TRPC1: variants seen among roughly 807,000 people sequenced by gnomAD.
TRPC1 encodes transient receptor potential cation channel subfamily C member 1.
Under a neutral mutation model 88.2 loss-of-function variants are expected in TRPC1, and 42 were observed. The ratio of observed to expected loss-of-function variants is 0.48; its 90% CI spans 0.37 to 0.62. The LOEUF (loss-of-function observed/expected upper bound fraction) is 0.62, where lower values mean the gene tolerates loss of function less well. TRPC1 is among the 20% of genes least tolerant of loss of function. The pLI, the probability that TRPC1 is intolerant of heterozygous loss-of-function variation, is 0.00. For synonymous variants in TRPC1, 288 were observed against 331.8 expected (o/e 0.87, Z 1.43); for missense variants, 699 against 957.3 (o/e 0.73, Z 3.56).
chr3:142,804,466 C>T lies in TRPC1; in HGVS notation c.1990C>T (p.Arg664Ter), dbSNP rs1248342604. ...NHEDKEWKFA[R>*]AKLWLSYFDD... The stretch of plus-strand genomic sequence containing the variant: ...TGAAGACAAAGAATGGAAGTTTGCT[C>T]GAGCAAAATTATGGCTTAGCTACTT... Residue 664 changes from arginine (R) to a stop codon, truncating the protein, a stop_gained, in exon 12 of 13, where the codon CGA becomes TGA. Transcript: ENST00000476941. LOFTEE classifies it high-confidence loss of function. 5 of 1,610,758 alleles carry T rather than the reference C, an allele frequency of 3.1e-6. No individual in the cohort carries two copies. Among genetic ancestry groups the T allele is most frequent in the Non-Finnish European group, 4.2e-6 (5 of 1,178,986 alleles).
chr3:142,784,023 C>T (rs74740345), intron 6 of TRPC1, among the ~76,000 whole-genome samples: 3,487 of 152,252 alleles, frequency 0.023, 59 homozygotes, highest in East Asian at 0.065. Context: ...TTTCTTCTCA[C>T]ATGAAATTCA....
intron 3 of TRPC1, among the ~76,000 whole-genome samples, chr3:142,744,751 CTT>C (rs997030711): frequency 2.3e-4 from 35 of 152,016 alleles, no homozygotes; most frequent in African/African-American, 8.0e-4. Context: ...TTTTTGTACT[CTT>C]TTTATTTTTC....
At chr3:142,773,534 C>T (rs1935651717) in intron 4 of TRPC1, among the ~76,000 whole-genome samples, 1 of 149,500 alleles carries the variant, frequency 6.7e-6, no homozygotes, top group African/African-American at 2.5e-5. Flanking sequence ...GATGCAGTGG[C>T]TTATGCCTGT....
intron 4 of TRPC1, among the ~76,000 whole-genome samples, chr3:142,772,884 G>T (rs1007088531): frequency 3.3e-5 from 5 of 152,166 alleles, no homozygotes; most frequent in African/African-American, 1.2e-4. Flanking sequence ...TATGAGGGTC[G>T]TGAAGGAAGG....
rs1936828247 is a variant in TRPC1 at position 142,807,471 on chromosome 3, T to C, written c.*1236T>C. On this transcript the variant is annotated 3_prime_UTR_variant, in exon 13 of 13. Transcript: ENST00000476941. ...TTTCCAGTTAAGAGGATATTAGGTA[T>C]ATAATTCTCTTCTTAACCGAATGTC... The C allele has an allele frequency of 6.6e-6, 1 of 152,224 alleles. No homozygotes were observed. Among genetic ancestry groups the C allele is most frequent in the East Asian group, 1.9e-4 (1 of 5,204 alleles). 9.4% of individuals were successfully genotyped at this position (152,224 alleles called of 1,614,324 possible).
In TRPC1 at chr3:142,807,111, TTTTTAG is replaced by T. The variant is rs1241202457; in HGVS notation, c.*882_*887del. ...TTTTTTTTTCAAGTTGGAGTGAATG[TTTTTAG>T]TTTTAAGATAGATAGGAGACACTTT... On this transcript the variant is annotated 3_prime_UTR_variant, in exon 13 of 13. Coordinates refer to ENST00000476941, the MANE Select transcript of TRPC1 (RefSeq NM_001251845.2). 1 of 152,066 alleles carries T rather than the reference TTTTTAG, an allele frequency of 6.6e-6. No individual in the cohort carries two copies. Among genetic ancestry groups the T allele is most frequent in the Non-Finnish European group, 1.5e-5 (1 of 67,978 alleles). 9.4% of individuals were successfully genotyped at this position (152,066 alleles called of 1,614,324 possible).
rs1936083652 is a variant in TRPC1 at position 142,784,919 on chromosome 3, A to G, written c.1176A>G (p.Ala392=). The change falls in exon 7 of 13, where the codon GCA becomes GCG. Residue 392 remains alanine, a synonymous_variant. Transcript: ENST00000476941. ...TPFMKFIIHG[A]SYFTFLLLLN... ...TTATGAAATTTATCATTCATGGAGCATCATATTTCACATTTCTGCTGTTGC... is the reference window on the plus strand; with the variant it reads ...TTATGAAATTTATCATTCATGGAGCGTCATATTTCACATTTCTGCTGTTGC... The G allele has an allele frequency of 1.2e-6, 2 of 1,613,984 alleles. No individual in the cohort carries two copies. Among genetic ancestry groups the G allele is most frequent in the Non-Finnish European group, 8.5e-7 (1 of 1,180,010 alleles).
At position 142,731,453 on chromosome 3, in the gene TRPC1, C is replaced by T. The variant is rs1340442081; in HGVS notation, c.173-4926C>T. Among the ~76,000 whole-genome samples the T allele has an allele frequency of 5.1e-5, 7 of 136,918 alleles. No individual in the cohort carries two copies. The East Asian group carries it at 1.3e-3, about 25-fold the overall frequency. The allele number at this position is 136,918 out of a possible 152,430, so 89.8% of individuals were successfully genotyped here. A position where few individuals can be genotyped will look rare whatever the true frequency, so the allele number is the denominator to read the frequency against. On this transcript the variant is annotated intron_variant, in intron 1 of 12. Coordinates refer to ENST00000476941, the MANE Select transcript of TRPC1 (RefSeq NM_001251845.2). Reference sequence around the variant, plus strand: ...AGGCTAGAGTGCAGTGGCGTGATCTCGGTTCACTGCAAGCTCCGCCTCCCA... The same window carrying T: ...AGGCTAGAGTGCAGTGGCGTGATCTTGGTTCACTGCAAGCTCCGCCTCCCA...
intron 4 of TRPC1, among the ~76,000 whole-genome samples, chr3:142,752,351 T>C (rs1374310609): frequency 6.6e-6 from 1 of 152,296 alleles, no homozygotes. Context: ...CAAGGGAAAG[T>C]ACTATGCCTG....
rs182352249 is a variant in TRPC1 at position 142,770,340 on chromosome 3, G to A, written c.633-7292G>A. Among the ~76,000 whole-genome samples the A allele has an allele frequency of 6.1e-3, 932 of 151,850 alleles. 8 individuals are homozygous for A. The highest frequency in any genetic ancestry group is 0.021 in the African/African-American group (878 of 41,428). On this transcript the variant is annotated intron_variant, in intron 4 of 12. Coordinates refer to ENST00000476941, the MANE Select transcript of TRPC1 (RefSeq NM_001251845.2). The stretch of plus-strand genomic sequence containing the variant: ...TTGAACTCCTGACCTCAAGTAATCC[G>A]CCCGCCTCAGCCTCCCAAATTGCTA...
At chr3:142,799,808 TTC>T (rs1393691540) in intron 9 of TRPC1, among the ~76,000 whole-genome samples, 1 of 152,098 alleles carries the variant, frequency 6.6e-6, no homozygotes, top group African/African-American at 2.4e-5. Flanking sequence ...TCTTAAAAAT[TTC>T]TTTTTAAATT....
intron 12 of TRPC1, 83 bp downstream of exon 12, chr3:142,804,713 G>A (rs4259003): frequency 0.21 from 283,315 of 1,331,468 alleles, 37,072 homozygotes; most frequent in African/African-American, 0.64. Context: ...TAAGTATGCA[G>A]GTTCCCTAAG....
intron 7 of TRPC1, 42 bp from the exon 8 acceptor site, chr3:142,790,977 A>G: frequency 6.8e-7 from 1 of 1,468,344 alleles, no homozygotes; most frequent in African/African-American, 1.4e-5. Flanking sequence ...TTATTTATTG[A>G]ATTAAGAAAG....
chr3:142,798,260 T>C (rs1424571760), intron 9 of TRPC1, among the ~76,000 whole-genome samples: 2 of 152,136 alleles, frequency 1.3e-5, no homozygotes, highest in Admixed American at 6.6e-5. Context: ...GTTAATTAAC[T>C]AAGTTAATTA....
At chr3:142,742,324 CTCA>C (rs1398841377) in intron 2 of TRPC1, among the ~76,000 whole-genome samples, 7 of 152,056 alleles carry the variant, frequency 4.6e-5, no homozygotes, top group Admixed American at 4.6e-4. Context: ...TAGGCCACAG[CTCA>C]ATGAACCCTG....
chr3:142,751,976 T>G (rs1316134400), intron 4 of TRPC1, among the ~76,000 whole-genome samples: 1 of 143,738 alleles, frequency 7.0e-6, no homozygotes, highest in East Asian at 2.1e-4. Context: ...AATGACTAGT[T>G]TATAAAATGA....
intron 4 of TRPC1, among the ~76,000 whole-genome samples, chr3:142,760,329 TA>T (rs1935140425): frequency 6.6e-6 from 1 of 152,226 alleles, no homozygotes; most frequent in Non-Finnish European, 1.5e-5. Context: ...CAGCATTTAT[TA>T]AAAAGACTAT....
intron 1 of TRPC1, among the ~76,000 whole-genome samples, chr3:142,733,705 TTAGA>T (rs1403593988): frequency 2.6e-5 from 4 of 152,244 alleles, no homozygotes; most frequent in African/African-American, 2.4e-5. Flanking sequence ...ATATGGTTGA[TTAGA>T]TAATCTGAAA....
chr3:142,733,160 A>T (rs1303358003), intron 1 of TRPC1, among the ~76,000 whole-genome samples: 1 of 152,080 alleles, frequency 6.6e-6, no homozygotes, highest in African/African-American at 2.4e-5. Context: ...TTTGGTTTTG[A>T]TTTTTAGGGA....
Sources: allele counts gnomAD v4.1 joint callset (sites outside exome capture counted in the v4.1 genomes callset), GRCh38; gene constraint gnomAD v4.1.1; transcripts MANE v1.5; gene names NCBI Gene and HGNC (gene_info 2026-07-23, HGNC 2026-07-21).